DLG2: variants seen among roughly 807,000 people sequenced by gnomAD.
DLG2 encodes disks large homolog 2.
A neutral mutation model predicts 132.5 loss-of-function variants in DLG2; 45 were observed. That is an observed-to-expected ratio of 0.34 (90% CI 0.27 to 0.44). The LOEUF (loss-of-function observed/expected upper bound fraction) is 0.44. Ranked by LOEUF, DLG2 falls within the 20% of genes least tolerant of loss-of-function variation. The pLI is 1.00. For missense variants in DLG2, 1,045 were observed against 1,196.9 expected (o/e 0.87, Z 1.87); for synonymous variants, 424 against 419.6 (o/e 1.01, Z -0.13).
intron 8 of DLG2, among the ~76,000 whole-genome samples, chr11:84,197,604 G>A (rs1162883633): frequency 6.6e-6 from 1 of 152,090 alleles, no homozygotes; most frequent in Non-Finnish European, 1.5e-5. Flanking sequence ...TAAGCAGAAG[G>A]TATTTGAATG....
intron 6 of DLG2, among the ~76,000 whole-genome samples, chr11:85,040,426 T>C (rs2061763335): frequency 6.6e-6 from 1 of 151,936 alleles, no homozygotes; most frequent in Non-Finnish European, 1.5e-5. Context: ...AACTAGAATA[T>C]CTACTCATGG....
At chr11:85,097,479 A>G (rs1331644289) in intron 6 of DLG2, among the ~76,000 whole-genome samples, 3 of 152,238 alleles carry the variant, frequency 2.0e-5, no homozygotes, top group African/African-American at 7.2e-5. Flanking sequence ...AGGAGGGAAG[A>G]TAGATGTATA....
intron 6 of DLG2, among the ~76,000 whole-genome samples, chr11:84,948,818 T>C (rs2050556922): frequency 6.6e-6 from 1 of 152,220 alleles, no homozygotes; most frequent in African/African-American, 2.4e-5. Context: ...ATCATTTCTC[T>C]GAGCCTCAAT....
chr11:84,252,733 CACA>C (rs1162401337), intron 7 of DLG2, among the ~76,000 whole-genome samples: 3 of 152,108 alleles, frequency 2.0e-5, no homozygotes, highest in Admixed American at 6.5e-5. Flanking sequence ...CTAGAATTTT[CACA>C]ACAACTTTTG....
intron 7 of DLG2, among the ~76,000 whole-genome samples, chr11:84,307,695 C>CAAAAAACAAAAAAAAAAAA (rs2098237144): frequency 1.3e-5 from 1 of 78,024 alleles, no homozygotes. Flanking sequence ...GACGCAGTCT[C>CAAAAAACAAAAAAAAAAAA]AAAAAAAAAA....
chr11:84,239,945 C>A (rs1240470611), intron 8 of DLG2, among the ~76,000 whole-genome samples: 1 of 152,292 alleles, frequency 6.6e-6, no homozygotes, highest in African/African-American at 2.4e-5. Flanking sequence ...TATTCATTAC[C>A]CTTTTCTCCC....
chr11:83,948,299 TG>T (rs1257333519), intron 14 of DLG2, among the ~76,000 whole-genome samples: 5 of 151,942 alleles, frequency 3.3e-5, no homozygotes, highest in African/African-American at 1.2e-4. Flanking sequence ...AAACCTAGGA[TG>T]GGGGTGGATA....
intron 8 of DLG2, among the ~76,000 whole-genome samples, chr11:84,186,695 C>T (rs750817905): frequency 6.6e-5 from 10 of 151,742 alleles, no homozygotes; most frequent in South Asian, 2.1e-4. Flanking sequence ...ATTGCCAGTT[C>T]GAGTTACAGG....
intron 8 of DLG2, among the ~76,000 whole-genome samples, chr11:84,213,528 G>A (rs761473765): frequency 6.6e-6 from 1 of 152,094 alleles, no homozygotes; most frequent in Non-Finnish European, 1.5e-5. Context: ...AAATTAGAAT[G>A]TATGTAAGAG....
At chr11:85,117,190 A>G (rs2073732010) in intron 5 of DLG2, among the ~76,000 whole-genome samples, 1 of 152,008 alleles carries the variant, frequency 6.6e-6, no homozygotes, top group Non-Finnish European at 1.5e-5. Context: ...ATGTGACGCT[A>G]AGGAAATGCC....
chr11:84,175,962 G>T (rs1233385154), intron 8 of DLG2, among the ~76,000 whole-genome samples: 1 of 152,072 alleles, frequency 6.6e-6, no homozygotes. Context: ...CATAGAAATT[G>T]TAAGGTTTAA....
chr11:83,731,930 A>T (rs964110960), intron 18 of DLG2, among the ~76,000 whole-genome samples: 4 of 152,270 alleles, frequency 2.6e-5, no homozygotes, highest in African/African-American at 7.2e-5. Flanking sequence ...CACTTAGTAC[A>T]GCATTTGCCA....
intron 15 of DLG2, among the ~76,000 whole-genome samples, chr11:83,923,507 G>A (rs1044543981): frequency 6.6e-6 from 1 of 152,060 alleles, no homozygotes; most frequent in African/African-American, 2.4e-5. Context: ...TCAAACAAGG[G>A]ACCCGATATA....
rs2089364185 is a variant in DLG2, at chr11:83,458,629, T to C, written c.*1189A>G. 1 of 152,230 alleles carries C rather than the reference T, an allele frequency of 6.6e-6. No homozygotes were observed. The highest frequency in any genetic ancestry group is 6.5e-5 in the Admixed American group (1 of 15,282). 9.4% of individuals were successfully genotyped at this position (152,230 alleles called of 1,614,324 possible). A position where few individuals can be genotyped will look rare whatever the true frequency, so the allele number is the denominator to read the frequency against. On this transcript the variant is annotated 3_prime_UTR_variant, in exon 28 of 28. Transcript: ENST00000376104. ...AAAGGTACTAATCCTAATTACTCAT[T>C]GTTGGCCAAAATGCTAAATGGTCCT...
At chr11:84,209,568 C>T (rs772530474) in intron 8 of DLG2, among the ~76,000 whole-genome samples, 1 of 151,718 alleles carries the variant, frequency 6.6e-6, no homozygotes, top group Non-Finnish European at 1.5e-5. Flanking sequence ...TAAAGAAATT[C>T]TCTTTCCTAT....
intron 6 of DLG2, among the ~76,000 whole-genome samples, chr11:84,725,637 G>A (rs894200275): frequency 4.6e-5 from 7 of 151,988 alleles, no homozygotes; most frequent in Non-Finnish European, 5.9e-5. Flanking sequence ...AATTAAGAAC[G>A]AACAAATATA....
At chr11:84,776,318 A>G (rs1375044148) in intron 6 of DLG2, among the ~76,000 whole-genome samples, 1 of 152,048 alleles carries the variant, frequency 6.6e-6, no homozygotes, top group Non-Finnish European at 1.5e-5. Flanking sequence ...TGCCTGGCTA[A>G]TTTTTTAAAA....
chr11:84,205,186 A>G (rs559435066), intron 8 of DLG2, among the ~76,000 whole-genome samples: 6 of 152,248 alleles, frequency 3.9e-5, no homozygotes, highest in Non-Finnish European at 8.8e-5. Context: ...TTCAGCAGAA[A>G]GACAAAGCAA....
Position 84,359,815 on chromosome 11 carries a change from G to T in DLG2, c.520-108524C>A, listed in dbSNP as rs552555174. On this transcript the variant is annotated intron_variant, in intron 7 of 27. Transcript: ENST00000376104. The stretch of plus-strand genomic sequence containing the variant: ...GATCATCCTACTATTAATCTATTAA[G>T]ATAACAGATTATCCTATTATGCTTT... Among the ~76,000 whole-genome samples, 60 of 151,926 alleles carry T rather than the reference G, an allele frequency of 3.9e-4. 2 individuals carry two copies. The South Asian group carries it at 0.012, about 29-fold the overall frequency.
Sources: allele counts gnomAD v4.1 joint callset (sites outside exome capture counted in the v4.1 genomes callset), GRCh38; gene constraint gnomAD v4.1.1; transcripts MANE v1.5; gene names NCBI Gene and HGNC (gene_info 2026-07-23, HGNC 2026-07-21).